Variants in HNRNPR observed in about 807,000 individuals in gnomAD.
HNRNPR encodes heterogeneous nuclear ribonucleoprotein R.
A neutral mutation model predicts 70.3 loss-of-function variants in HNRNPR; 4 were observed. The ratio of observed to expected loss-of-function variants is 0.06; its 90% CI spans 0.03 to 0.13. HNRNPR has a LOEUF of 0.13. Among genes scored for constraint, HNRNPR ranks in the 10% least tolerant of loss-of-function variants. The pLI is 1.00. For synonymous variants in HNRNPR, 241 were observed against 267.6 expected (o/e 0.90, Z 0.97); for missense variants, 423 against 788.5 (o/e 0.54, Z 5.55).
chr1:23,317,825 C>G (rs1211873656), intron 8 of HNRNPR, among the ~76,000 whole-genome samples: 2 of 151,352 alleles, frequency 1.3e-5, no homozygotes, highest in Non-Finnish European at 2.9e-5. Flanking sequence ...ACTAAAAATA[C>G]AAAATTTAGC....
At chr1:23,312,505 C>T (rs927288461) in intron 9 of HNRNPR, among the ~76,000 whole-genome samples, 7 of 152,154 alleles carry the variant, frequency 4.6e-5, no homozygotes, top group African/African-American at 1.7e-4. Context: ...TCAGAAGCCA[C>T]AAATGAACGG....
intron 5 of HNRNPR, among the ~76,000 whole-genome samples, chr1:23,332,919 A>G (rs1166702122): frequency 6.6e-6 from 1 of 151,172 alleles, no homozygotes; most frequent in East Asian, 2.0e-4. Context: ...TGTGGAGGCT[A>G]ACGCCTGTAA....
At position 23,307,762 on chromosome 1, in the gene HNRNPR, A is replaced by T. The variant is rs1645224826; in HGVS notation, c.*2692T>A. On this transcript the variant is annotated 3_prime_UTR_variant, in exon 11 of 11. Coordinates refer to ENST00000302271, the MANE Select transcript of HNRNPR (RefSeq NM_005826.5). ...GGTCTCACCAGGGTACCTACAAAGAATAGCTCTATACCTCAATATATTTCC... is the reference window on the plus strand; with the variant it reads ...GGTCTCACCAGGGTACCTACAAAGATTAGCTCTATACCTCAATATATTTCC... The T allele has an allele frequency of 6.6e-6, 1 of 152,070 alleles. No homozygotes were observed. Among genetic ancestry groups the T allele is most frequent in the East Asian group, 1.9e-4 (1 of 5,206 alleles). 9.4% of individuals were successfully genotyped at this position (152,070 alleles called of 1,614,324 possible). A position where few individuals can be genotyped will look rare whatever the true frequency, so the allele number is the denominator to read the frequency against.
intron 5 of HNRNPR, among the ~76,000 whole-genome samples, chr1:23,327,215 C>T (rs1191755865): frequency 1.3e-5 from 2 of 152,132 alleles, no homozygotes; most frequent in African/African-American, 2.4e-5. Flanking sequence ...CCTATACAAA[C>T]ACATGGCTCC....
intron 6 of HNRNPR, among the ~76,000 whole-genome samples, chr1:23,322,853 G>A (rs1645811346): frequency 6.6e-6 from 1 of 152,166 alleles, no homozygotes; most frequent in African/African-American, 2.4e-5. Context: ...TTAAGATACT[G>A]AGATAGCTGT....
chr1:23,338,267 A>AG (rs1191599019), intron 3 of HNRNPR: 1 of 353,430 alleles, frequency 2.8e-6, no homozygotes, highest in Non-Finnish European at 5.0e-6. Context: ...TTTAATTTTA[A>AG]GTTTTTAAAA....
Position 23,324,567 on chromosome 1 carries a change from C to CTAAA in HNRNPR, c.499-839_499-836dup, listed in dbSNP as rs544734128. Among the ~76,000 whole-genome samples, 109 of 151,754 alleles carry CTAAA rather than the reference C, an allele frequency of 7.2e-4. 1 individual carries two copies. Among genetic ancestry groups the CTAAA allele is most frequent in the Admixed American group, 2.2e-3 (34 of 15,228 alleles). Reference sequence around the variant, plus strand: ...TGGGCAACAGAGCAAGACTCCATCTCTAAATAAATAAATAAATAAATAAAA... The same window carrying CTAAA: ...TGGGCAACAGAGCAAGACTCCATCTCTAAATAAATAAATAAATAAATAAATAAAA... On this transcript the variant is annotated intron_variant, in intron 5 of 10. Transcript: ENST00000302271.
intron 9 of HNRNPR, 73 bp downstream of exon 9, chr1:23,313,480 A>T: frequency 1.0e-6 from 1 of 992,320 alleles, no homozygotes; most frequent in Non-Finnish European, 1.5e-6. Flanking sequence ...TTCAGTTTTT[A>T]AAGTTACTTT....
intron 7 of HNRNPR, among the ~76,000 whole-genome samples, chr1:23,320,057 G>T (rs1172805872): frequency 1.3e-5 from 2 of 151,944 alleles, no homozygotes; most frequent in African/African-American, 4.8e-5. Context: ...TTATATTCTT[G>T]GTCTTATCTC....
chr1:23,339,827 G>A (rs1212773868), intron 2 of HNRNPR, among the ~76,000 whole-genome samples: 18 of 151,972 alleles, frequency 1.2e-4, no homozygotes, highest in Non-Finnish European at 1.5e-5. Flanking sequence ...CCAAGTCTAC[G>A]CCCAAACCAT....
chr1:23,310,993 T>TC lies in HNRNPR; in HGVS notation c.1362dup (p.Arg455GlufsTer14), dbSNP rs1557815231. 1.2e-6 allele frequency: 2 copies of TC among 1,613,406 alleles called. No individual in the cohort carries two copies. The highest frequency in any genetic ancestry group is 1.7e-6 in the Non-Finnish European group (2 of 1,179,812). On this transcript the variant is annotated frameshift_variant, in exon 11 of 11. Transcript: ENST00000302271. LOFTEE classifies it high-confidence loss of function. This position sits in a 1 kb window ranked among gnomAD's most constrained non-coding sequence, Gnocchi z 6.0. ...TCTGGAGGGTAGCCATATCCACCTC[T>TC]CCCCCCACCACGACCCCGACCTCTA...
intron 7 of HNRNPR, among the ~76,000 whole-genome samples, chr1:23,319,218 TTACCTA>T (rs745484870): frequency 5.3e-5 from 8 of 152,320 alleles, no homozygotes; most frequent in Non-Finnish European, 7.3e-5. Flanking sequence ...CTTTTAAATG[TTACCTA>T]TACCCTTATA....
chr1:23,335,370 G>A (rs947212806), intron 4 of HNRNPR, among the ~76,000 whole-genome samples: 1 of 152,164 alleles, frequency 6.6e-6, no homozygotes, highest in Non-Finnish European at 1.5e-5. Context: ...ATAAAACAGG[G>A]GTCCCCACAC....
Position 23,310,175 on chromosome 1 carries a change from C to A in HNRNPR, c.*279G>T. The A allele has an allele frequency of 3.6e-6, 1 of 280,212 alleles. No homozygotes were observed. Among genetic ancestry groups the A allele is most frequent in the Admixed American group, 4.9e-5 (1 of 20,516 alleles). The allele number at this position is 280,212 out of a possible 1,614,324, so 17.4% of individuals were successfully genotyped here. On this transcript the variant is annotated 3_prime_UTR_variant, in exon 11 of 11. Transcript: ENST00000302271. This position sits in a 1 kb window ranked among gnomAD's most constrained non-coding sequence, Gnocchi z 6.0. ...CAAAATCATGATTTAACAGTGTGCC[C>A]AGCTTGTTTTGAAGCTAAAATGAAG...
intron 7 of HNRNPR, among the ~76,000 whole-genome samples, chr1:23,321,284 A>C (rs1384558156): frequency 1.3e-5 from 2 of 152,178 alleles, no homozygotes; most frequent in African/African-American, 4.8e-5. Context: ...AGGGCTATAG[A>C]GCAAAAGCTC....
At position 23,327,960 on chromosome 1, in the gene HNRNPR, T is replaced by C. The variant is rs150643407; in HGVS notation, c.499-4228A>G. ...ATCACTTGAGGCCAGCCAGGAGTTC[T>C]AGACCAGCCTGAGAAACACAGCAAG... On this transcript the variant is annotated intron_variant, in intron 5 of 10. Transcript: ENST00000302271. Among the ~76,000 whole-genome samples the C allele has an allele frequency of 1.6e-3, 197 of 124,412 alleles. 1 individual carries two copies. Among genetic ancestry groups the C allele is most frequent in the African/African-American group, 5.6e-3 (184 of 32,898 alleles). The allele number at this position is 124,412 out of a possible 152,430, so 81.6% of individuals were successfully genotyped here.
chr1:23,341,189 G>A (rs755632318), intron 1 of HNRNPR, among the ~76,000 whole-genome samples, 172 bp from the exon 2 acceptor site: 65 of 152,106 alleles, frequency 4.3e-4, no homozygotes, highest in Admixed American at 5.2e-4. Flanking sequence ...TAATAATCCT[G>A]TAAAACCATA....
At chr1:23,316,534 T>C (rs1645553554) in intron 8 of HNRNPR, among the ~76,000 whole-genome samples, 1 of 152,224 alleles carries the variant, frequency 6.6e-6, no homozygotes. Flanking sequence ...AGCTATACTT[T>C]TGGTTTTCAT....
rs752903384 is a variant in HNRNPR, at chr1:23,333,657, T to TA, written c.385-27dup. The TA allele has an allele frequency of 4.5e-4, 575 of 1,278,546 alleles. 4 individuals carry two copies. The highest frequency in any genetic ancestry group is 4.2e-4 in the African/African-American group (29 of 68,492). The allele number at this position is 1,278,546 out of a possible 1,614,324, so 79.2% of individuals were successfully genotyped here. ...CTAGAGATAATTATACATCTCTTTATACTTGAGTACTAAATCTCACACACA... is the reference window on the plus strand; with the variant it reads ...CTAGAGATAATTATACATCTCTTTATAACTTGAGTACTAAATCTCACACACA... On this transcript the variant is annotated intron_variant, in intron 4 of 10. Transcript: ENST00000302271.
Sources: gnomAD v4.1 joint callset for allele counts (sites outside exome capture counted in the v4.1 genomes callset) on GRCh38, gnomAD v4.1.1 for gene constraint, Gnocchi (gnomAD v3.1) non-coding constraint, MANE v1.5 for transcripts, NCBI Gene and HGNC (gene_info 2026-07-23, HGNC 2026-07-21) for gene names.